The following ABCA10 variants were observed in gnomAD, a reference collection of about 807,000 sequenced individuals.
ABCA10 encodes the protein ATP binding cassette subfamily A member 10, also known as ATP-binding cassette sub-family A member 10.
ABCA10 carries 169 observed loss-of-function variants against 187.5 expected under a neutral mutation model. That is an observed-to-expected ratio of 0.90 (90% CI 0.80 to 1.02). The LOEUF is 1.02. ABCA10 is among the 50% of genes least tolerant of loss of function. ABCA10 has a pLI of 0.00. For missense variants in ABCA10, 1,727 were observed against 1,812.4 expected, an observed-to-expected ratio of 0.95 and a Z score of 0.86; for synonymous variants, 574 against 601.8, an observed-to-expected ratio of 0.95 and a Z score of 0.68.
intron 1 of ABCA10, among the ~76,000 whole-genome samples, chr17:69,228,052 G>A (rs1226973686): frequency 6.6e-6 from 1 of 151,890 alleles, no homozygotes; most frequent in Non-Finnish European, 1.5e-5. Context: ...TGTTCAGAGA[G>A]AACTTGCTAT....
Position 69,214,865 on chromosome 17 carries a change from G to GA in ABCA10, c.859-15dup, listed in dbSNP as rs775319443. ...CAGGTGTGTAATCTGAGATTTAAAA[G>GA]AAAAAATAAAATGTTAGATGAACTT... On this transcript the variant is annotated splice_polypyrimidine_tract_variant and intron_variant, in intron 8 of 38. Coordinates refer to ENST00000690296, the MANE Select transcript of ABCA10 (RefSeq NM_001377321.1). 12 of 1,459,614 alleles carry GA rather than the reference G, an allele frequency of 8.2e-6. No individual in the cohort carries two copies. The highest frequency in any genetic ancestry group is 2.7e-5 in the East Asian group (1 of 37,182). 90.4% of individuals were successfully genotyped at this position (1,459,614 alleles called of 1,614,324 possible). A position where few individuals can be genotyped will look rare whatever the true frequency, so the allele number is the denominator to read the frequency against.
intron 25 of ABCA10, among the ~76,000 whole-genome samples, chr17:69,167,602 C>A (rs560710392): frequency 6.6e-6 from 1 of 152,110 alleles, no homozygotes; most frequent in African/African-American, 2.4e-5. Context: ...AGACACCACA[C>A]CAGAGAAATT....
upstream of ABCA10, among the ~76,000 whole-genome samples, chr17:69,229,670 T>C (rs1598129534): frequency 1.3e-5 from 2 of 151,904 alleles, no homozygotes; most frequent in African/African-American, 4.8e-5. Context: ...TGGAAATAAA[T>C]GGTTCCTTTA....
intron 9 of ABCA10, among the ~76,000 whole-genome samples, chr17:69,210,170 C>CTTTTTTTTTTTTTTTTTTTTTTTTT (rs1160992125): frequency 1.4e-5 from 1 of 70,876 alleles, no homozygotes; most frequent in African/African-American, 6.7e-5. Flanking sequence ...GTGGTTATTT[C>CTTTTTTTTTTTTTTTTTTTTTTTTT]TTTTTTTTTT....
Position 69,174,559 on chromosome 17 carries a change from T to A in ABCA10, c.3048+48A>T, listed in dbSNP as rs759205776. The A allele has an allele frequency of 1.1e-5, 17 of 1,504,476 alleles. No individual in the cohort carries two copies. In the South Asian group the frequency reaches 2.1e-4, roughly 19 times the overall value. 93.2% of individuals were successfully genotyped at this position (1,504,476 alleles called of 1,614,324 possible). On this transcript the variant is annotated intron_variant, in intron 24 of 38. Coordinates refer to ENST00000690296, the MANE Select transcript of ABCA10 (RefSeq NM_001377321.1). ...AAACATTCATGAAAATGAATTTTCA[T>A]TTTGATTCTACTATTATAATTGGCT...
intron 22 of ABCA10, among the ~76,000 whole-genome samples, chr17:69,177,588 G>A (rs1023069477): frequency 1.3e-5 from 2 of 152,140 alleles, no homozygotes; most frequent in East Asian, 1.9e-4. Context: ...GTCCAATTAC[G>A]TTCCTTAGTA....
At chr17:69,152,210 T>C (rs762357914) in intron 35 of ABCA10, 27 bp from the exon 36 acceptor site, 22 of 1,590,772 alleles carry the variant, frequency 1.4e-5, no homozygotes, top group South Asian at 2.3e-5. Flanking sequence ...AAAGAAAAAA[T>C]ACTTGTCTCT....
intron 9 of ABCA10, among the ~76,000 whole-genome samples, chr17:69,205,119 C>A (rs1185297615): frequency 6.6e-6 from 1 of 151,790 alleles, no homozygotes; most frequent in Non-Finnish European, 1.5e-5. Context: ...CACAGTGAGA[C>A]CCTGTCTCAA....
chr17:69,153,800 C>T (rs2074149934), intron 32 of ABCA10, 31 bp downstream of exon 32: 1 of 1,578,396 alleles, frequency 6.3e-7, no homozygotes, highest in South Asian at 1.2e-5. Flanking sequence ...CCCCTTCCTC[C>T]TGCTACAAAT....
intron 19 of ABCA10, among the ~76,000 whole-genome samples, chr17:69,187,165 G>T (rs1374049177): frequency 6.6e-6 from 1 of 152,016 alleles, no homozygotes; most frequent in Non-Finnish European, 1.5e-5. Flanking sequence ...AATAAAACTG[G>T]CTGAAATCAG....
chr17:69,214,917 T>TA lies in ABCA10; in HGVS notation c.859-67dup, dbSNP rs200627629. 402 of 1,235,062 alleles carry TA rather than the reference T, an allele frequency of 3.3e-4. 1 individual carries two copies. The highest frequency in any genetic ancestry group is 5.9e-4 in the Admixed American group (20 of 33,810). 76.5% of individuals were successfully genotyped at this position (1,235,062 alleles called of 1,614,324 possible). The stretch of plus-strand genomic sequence containing the variant: ...TAAAACTAAATAAAACAATTTTTTT[T>TA]AAAAAATAGTGGTACCTAGAGATAT... On this transcript the variant is annotated intron_variant, in intron 8 of 38. Transcript: ENST00000690296.
chr17:69,228,394 C>A (rs936771089), intron 1 of ABCA10, among the ~76,000 whole-genome samples, 187 bp downstream of exon 1: 3 of 152,006 alleles, frequency 2.0e-5, no homozygotes, highest in Middle Eastern at 3.4e-3. Flanking sequence ...ATTTATCACA[C>A]TAAAATGTTA....
chr17:69,178,125 C>G (rs1363483588), intron 22 of ABCA10, among the ~76,000 whole-genome samples: 1 of 150,536 alleles, frequency 6.6e-6, no homozygotes, highest in East Asian at 1.9e-4. Flanking sequence ...GACCAGGAAG[C>G]AATATCAGGC....
chr17:69,184,066 T>A (rs760361167), intron 20 of ABCA10, among the ~76,000 whole-genome samples: 26 of 152,104 alleles, frequency 1.7e-4, no homozygotes, highest in Admixed American at 1.3e-4. Context: ...GTGTGGGAAC[T>A]GAATGAGGCC....
chr17:69,212,810 C>T (rs1183992173), intron 9 of ABCA10, among the ~76,000 whole-genome samples: 1 of 152,034 alleles, frequency 6.6e-6, no homozygotes, highest in African/African-American at 2.4e-5. Flanking sequence ...ATATCTATTC[C>T]CACCCCTTTA....
chr17:69,184,526 C>T (rs1181211486), intron 20 of ABCA10, among the ~76,000 whole-genome samples: 2 of 151,964 alleles, frequency 1.3e-5, no homozygotes, highest in Non-Finnish European at 2.9e-5. Context: ...CCCACGGCTG[C>T]GAGACCTGAA....
chr17:69,237,422 G>A (rs2074878891), intron 1 of ABCA10, among the ~76,000 whole-genome samples: 1 of 152,160 alleles, frequency 6.6e-6, no homozygotes, highest in African/African-American at 2.4e-5. Flanking sequence ...GCCAACAGTT[G>A]GCTGAATTTG....
chr17:69,152,392 C>G lies in ABCA10; in HGVS notation c.4226G>C (p.Arg1409Pro), dbSNP rs142258568. Residue 1409 changes from arginine to proline, a missense_variant, in exon 35 of 39, where the codon CGT (arginine) becomes CCT (proline). Arg to Pro is a moderately radical substitution (Grantham distance 103). Transcript: ENST00000690296. Reference sequence around the variant, plus strand: ...CGTTCCTGACACCATCATGGCCATACGGTCACACACAGCCTCAGCCTCTGA... The same window carrying G: ...CGTTCCTGACACCATCATGGCCATAGGGTCACACACAGCCTCAGCCTCTGA... ...YMSEAEAVCDRMAMMVSGTLR... is the reference protein window; with the variant it reads ...YMSEAEAVCDPMAMMVSGTLR... 6.2e-7 allele frequency: 1 copy of G among 1,613,724 alleles called. No homozygotes were observed. The highest frequency in any genetic ancestry group is 8.5e-7 in the Non-Finnish European group (1 of 1,179,904).
At chr17:69,227,020 A>G (rs1425734242) in intron 2 of ABCA10, 125 bp downstream of exon 2, 4 of 151,680 alleles carry the variant, frequency 2.6e-5, no homozygotes, top group Non-Finnish European at 5.9e-5. Context: ...CAAATCAACT[A>G]GCCAGTATGA....
Sources: gnomAD v4.1 joint callset for allele counts (sites outside exome capture counted in the v4.1 genomes callset) on GRCh38, gnomAD v4.1.1 for gene constraint, MANE v1.5 for transcripts, NCBI Gene and HGNC (gene_info 2026-07-23, HGNC 2026-07-21) for gene names.